Variants in FBN2 observed in about 807,000 individuals in gnomAD.
FBN2 encodes the protein fibrillin 2.
FBN2 carries 105 observed loss-of-function variants against 355.6 expected under a neutral mutation model. The observed-to-expected ratio is 0.30, with a 90% CI of 0.25 to 0.35. The LOEUF (loss-of-function observed/expected upper bound fraction) is 0.35, where lower values mean the gene tolerates loss of function less well. Among genes scored for constraint, FBN2 ranks in the 10% least tolerant of loss-of-function variants. The pLI, the probability that FBN2 is intolerant of heterozygous loss-of-function variation, is 1.00. For synonymous variants in FBN2, 1,350 were observed against 1,301.2 expected (o/e 1.04, Z -0.81); for missense variants, 3,280 against 3,758.7 (o/e 0.87, Z 3.33).
intron 25 of FBN2, among the ~76,000 whole-genome samples, chr5:128,339,485 G>C (rs1750939091): frequency 6.6e-6 from 1 of 152,052 alleles, no homozygotes; most frequent in Admixed American, 6.6e-5. Context: ...TGAGGTGGGA[G>C]GATTGCTTGA....
At chr5:128,304,633 T>C (rs1749817083) in intron 45 of FBN2, among the ~76,000 whole-genome samples, 1 of 152,192 alleles carries the variant, frequency 6.6e-6, no homozygotes, top group South Asian at 2.1e-4. Flanking sequence ...CAGCGGGTGC[T>C]ATGGTAAGTT....
intron 49 of FBN2, 65 bp downstream of exon 49, chr5:128,291,464 G>A: frequency 6.4e-7 from 1 of 1,573,086 alleles, no homozygotes; most frequent in Non-Finnish European, 8.7e-7. Flanking sequence ...CAGCATGATG[G>A]TTTACAATTC....
chr5:128,515,586 C>T lies in FBN2; in HGVS notation c.628+3687G>A, dbSNP rs532172892. ...CTGGGTTCACGCATTAGGTCTATAA[C>T]TGGATGATTTCATAAAAGGTAACCT... On this transcript the variant is annotated intron_variant, in intron 5 of 64. Transcript: ENST00000262464. 2.6e-5 allele frequency among the ~76,000 whole-genome samples: 4 copies of T among 152,262 alleles called. No individual in the cohort carries two copies. In the South Asian group the frequency reaches 6.2e-4, roughly 24 times the overall value.
Position 128,350,009 on chromosome 5 carries a change from T to TAAC in FBN2, c.2813-7_2813-5dup. On this transcript the variant is annotated splice_region_variant and splice_polypyrimidine_tract_variant and intron_variant, in intron 21 of 64. Coordinates refer to ENST00000262464, the MANE Select transcript of FBN2 (RefSeq NM_001999.4). ...AGCCCTCTTGGGCAAGCTGTATCTG[T>TAAC]AACAACAACAGGACAAATTTTACTT... 1 of 1,612,912 alleles carries TAAC rather than the reference T, an allele frequency of 6.2e-7. No individual in the cohort carries two copies. Among genetic ancestry groups the TAAC allele is most frequent in the Non-Finnish European group, 8.5e-7 (1 of 1,178,836 alleles).
At chr5:128,269,359 TAGGGAGGAGGTGGAAGTTGC>T (rs1274859361) in intron 62 of FBN2, among the ~76,000 whole-genome samples, 7 of 150,322 alleles carry the variant, frequency 4.7e-5, no homozygotes, top group Non-Finnish European at 1.0e-4. Flanking sequence ...TCCTAGCTAC[TAGGGAGGAGGTGGAAGTTGC>T]AGGGAGGAGG....
At position 128,383,050 on chromosome 5, in the gene FBN2, AAAAC is replaced by A. The variant is rs1161856268; in HGVS notation, c.1604-4164_1604-4161del. 6.6e-5 allele frequency among the ~76,000 whole-genome samples: 10 copies of A among 152,244 alleles called. 1 individual carries two copies. The South Asian group carries it at 8.3e-4, about 13-fold the overall frequency. ...AAGAATATAGATCCCTAAGAGAAGG[AAAAC>A]AAACACAGTGAATATCATAACTATT... On this transcript the variant is annotated intron_variant, in intron 11 of 64. Coordinates refer to ENST00000262464, the MANE Select transcript of FBN2 (RefSeq NM_001999.4).
At chr5:128,441,136 G>A (rs1045971932) in intron 7 of FBN2, among the ~76,000 whole-genome samples, 2 of 152,068 alleles carry the variant, frequency 1.3e-5, no homozygotes, top group African/African-American at 4.8e-5. Flanking sequence ...TTTTTTCAGG[G>A]CAGACAGATG....
chr5:128,491,336 A>G (rs1304399922), intron 5 of FBN2, among the ~76,000 whole-genome samples: 2 of 152,246 alleles, frequency 1.3e-5, no homozygotes, highest in Non-Finnish European at 2.9e-5. Flanking sequence ...AGAGCTTTTT[A>G]GAACATTGTA....
At chr5:128,416,939 G>C (rs1753217676) in intron 7 of FBN2, among the ~76,000 whole-genome samples, 1 of 151,784 alleles carries the variant, frequency 6.6e-6, no homozygotes, top group South Asian at 2.1e-4. Context: ...GATTGTTTTG[G>C]GTAATATAAT....
rs142898155 is a variant in FBN2, at chr5:128,354,074, G to A, written c.2675-3069C>T. 2.0e-4 allele frequency among the ~76,000 whole-genome samples: 31 copies of A among 152,282 alleles called. No homozygotes were observed. In the East Asian group the frequency reaches 6.0e-3, roughly 29 times the overall value. ...CACACACAACTGAGATACAGATGTA[G>A]ATAGTCAGGAATTAGTTAAGAACTC... On this transcript the variant is annotated intron_variant, in intron 20 of 64. Transcript: ENST00000262464.
At chr5:128,302,883 A>ATT (rs113036345) in intron 46 of FBN2, 90 bp downstream of exon 46, 2 of 800,140 alleles carry the variant, frequency 2.5e-6, no homozygotes, top group African/African-American at 1.7e-5. Context: ...TAGTAATATA[A>ATT]TTTTTTTTTG....
At chr5:128,288,342 C>T (rs1476861004) in intron 53 of FBN2, 96 bp downstream of exon 53, 1 of 1,431,754 alleles carries the variant, frequency 7.0e-7, no homozygotes, top group Non-Finnish European at 9.7e-7. Flanking sequence ...GTATGCTCAC[C>T]AGCAGAATAT....
At chr5:128,522,186 C>T (rs1756449759) in intron 4 of FBN2, among the ~76,000 whole-genome samples, 1 of 152,172 alleles carries the variant, frequency 6.6e-6, no homozygotes, top group Non-Finnish European at 1.5e-5. Context: ...GCTTGTATTT[C>T]TGTCTCTCAT....
intron 55 of FBN2, among the ~76,000 whole-genome samples, chr5:128,284,528 A>G: frequency 6.6e-6 from 1 of 152,196 alleles, no homozygotes; most frequent in East Asian, 1.9e-4. Flanking sequence ...AATTTTCTCC[A>G]GTTCAGCTAC....
intron 5 of FBN2, among the ~76,000 whole-genome samples, chr5:128,479,030 T>G (rs966877792): frequency 3.0e-4 from 46 of 152,144 alleles, no homozygotes; most frequent in Non-Finnish European, 6.3e-4. Flanking sequence ...CTGCCTGAAA[T>G]AGATTTAATA....
In FBN2 at chr5:128,450,749, TA is replaced by T. The variant is rs1410438241; in HGVS notation, c.827-4144del. Among the ~76,000 whole-genome samples, 5 of 151,954 alleles carry T rather than the reference TA, an allele frequency of 3.3e-5. No homozygotes were observed. The South Asian group carries it at 6.2e-4, about 19-fold the overall frequency. On this transcript the variant is annotated intron_variant, in intron 6 of 64. Transcript: ENST00000262464. ...AAAACCTGGCTTTTGGAAATACAAG[TA>T]AAAAAATCAGTTGATTTTTATAATA...
intron 5 of FBN2, among the ~76,000 whole-genome samples, chr5:128,498,060 G>A (rs1371093009): frequency 6.6e-6 from 1 of 152,208 alleles, no homozygotes; most frequent in Non-Finnish European, 1.5e-5. Flanking sequence ...GCAGAGCCCA[G>A]AGTTGGACCA....
Position 128,336,124 on chromosome 5 carries a change from T to C in FBN2, c.3599-11A>G. 2 of 1,612,438 alleles carry C rather than the reference T, an allele frequency of 1.2e-6. No individual in the cohort carries two copies. The highest frequency in any genetic ancestry group is 1.7e-6 in the Non-Finnish European group (2 of 1,179,260). ...AGCATTCATTAATATCTATAAAAGA[T>C]ACACAGAAGTAATGCTTTACACAAT... On this transcript the variant is annotated splice_polypyrimidine_tract_variant and intron_variant, in intron 27 of 64. Coordinates refer to ENST00000262464, the MANE Select transcript of FBN2 (RefSeq NM_001999.4).
At chr5:128,534,727 A>G (rs1756801495) in intron 2 of FBN2, among the ~76,000 whole-genome samples, 1 of 152,208 alleles carries the variant, frequency 6.6e-6, no homozygotes, top group South Asian at 2.1e-4. Context: ...GGGGCCATAC[A>G]TATATTTCTA....
Sources: allele counts gnomAD v4.1 joint callset (sites outside exome capture counted in the v4.1 genomes callset), GRCh38; gene constraint gnomAD v4.1.1; transcripts MANE v1.5; gene names NCBI Gene and HGNC (gene_info 2026-07-23, HGNC 2026-07-21).